The following SPTBN1 variants were observed in gnomAD, a reference collection of about 807,000 sequenced individuals.
SPTBN1 encodes spectrin beta, non-erythrocytic 1, also known as spectrin beta chain, non-erythrocytic 1.
In SPTBN1, 32 loss-of-function variants were observed where a neutral mutation model predicts 266.4. The observed-to-expected ratio is 0.12, with a 90% CI of 0.09 to 0.16. The LOEUF (loss-of-function observed/expected upper bound fraction) is 0.16, where lower values mean the gene tolerates loss of function less well. SPTBN1 is among the 10% of genes least tolerant of loss of function. The pLI, the probability that SPTBN1 is intolerant of heterozygous loss-of-function variation, is 1.00. For synonymous variants in SPTBN1, 1,336 were observed against 1,162.2 expected (o/e 1.15, Z -3.04); for missense variants, 2,296 against 3,067.1 (o/e 0.75, Z 5.94).
intron 3 of SPTBN1, among the ~76,000 whole-genome samples, chr2:54,601,474 C>G (rs1309592814): frequency 2.0e-5 from 3 of 152,170 alleles, no homozygotes; most frequent in Non-Finnish European, 2.9e-5. Flanking sequence ...TGCAGAAGAC[C>G]TCCATGAGAG....
Position 54,668,348 on chromosome 2 carries a change from C to T in SPTBN1, c.6877-3C>T. ...TCTCACCTGTGTCCCTTCCTCTGTC[C>T]AGGAGGAAATGAACACATGGATCCA... is the stretch of plus-strand genomic sequence containing the variant. On this transcript the variant is annotated splice_polypyrimidine_tract_variant and splice_region_variant and intron_variant, in intron 35 of 35. Transcript: ENST00000356805. The T allele has an allele frequency of 6.2e-7, 1 of 1,613,302 alleles. No homozygotes were observed. The highest frequency in any genetic ancestry group is 8.5e-7 in the Non-Finnish European group (1 of 1,179,264).
intron 1 of SPTBN1, among the ~76,000 whole-genome samples, chr2:54,524,506 C>A (rs934902901): frequency 2.0e-5 from 3 of 152,322 alleles, no homozygotes; most frequent in African/African-American, 7.2e-5. Context: ...CCTCTAAGCA[C>A]ATCCACCTCT....
Position 54,609,279 on chromosome 2 carries a change from A to T in SPTBN1, c.301-2882A>T, listed in dbSNP as rs575966089. ...GTTAATTCTTCTGATGTGGTGTCTG[A>T]TAGCTCTTGAATTTCTCCAAGATCC... On this transcript the variant is annotated intron_variant, in intron 3 of 35. Coordinates refer to ENST00000356805, the MANE Select transcript of SPTBN1 (RefSeq NM_003128.3). Among the ~76,000 whole-genome samples, 18 of 152,304 alleles carry T rather than the reference A, an allele frequency of 1.2e-4. No homozygotes were observed. In the South Asian group the frequency reaches 3.7e-3, roughly 32 times the overall value.
rs184562489 is a variant in SPTBN1 at position 54,570,908 on chromosome 2, A to G, written c.149-28184A>G. 5.6e-4 allele frequency among the ~76,000 whole-genome samples: 86 copies of G among 152,240 alleles called. 2 individuals are homozygous for G. The East Asian group carries it at 0.015, about 27-fold the overall frequency. Reference sequence around the variant, plus strand: ...TCCTATAGATTGCTAGCTTGAGTGTATAGTATTTGAGATGTGAATAAAGTC... The same window carrying G: ...TCCTATAGATTGCTAGCTTGAGTGTGTAGTATTTGAGATGTGAATAAAGTC... On this transcript the variant is annotated intron_variant, in intron 2 of 35. Coordinates refer to ENST00000356805, the MANE Select transcript of SPTBN1 (RefSeq NM_003128.3).
intron 2 of SPTBN1, among the ~76,000 whole-genome samples, chr2:54,565,378 A>G (rs779386661): frequency 1.1e-4 from 16 of 152,200 alleles, no homozygotes; most frequent in Non-Finnish European, 1.9e-4. Flanking sequence ...CTACTCAGGA[A>G]TGGACTCTGT....
chr2:54,579,913 G>C (rs887719253), intron 2 of SPTBN1, among the ~76,000 whole-genome samples: 1 of 152,236 alleles, frequency 6.6e-6, no homozygotes, highest in Non-Finnish European at 1.5e-5. Flanking sequence ...CCTCTGTGCT[G>C]AACTTGAATG....
At chr2:54,619,586 T>TC (rs1268811930) in intron 7 of SPTBN1, among the ~76,000 whole-genome samples, 2 of 152,244 alleles carry the variant, frequency 1.3e-5, no homozygotes, top group African/African-American at 4.8e-5. Flanking sequence ...TTATTAGTTG[T>TC]CCAGGGCTCC....
At chr2:54,627,792 C>G (rs534195163) in intron 12 of SPTBN1, among the ~76,000 whole-genome samples, 5 of 150,250 alleles carry the variant, frequency 3.3e-5, no homozygotes, top group East Asian at 2.0e-4. Flanking sequence ...CCCTCCCCCC[C>G]ACCCTGGCCC....
At chr2:54,568,661 GA>G (rs747256862) in intron 2 of SPTBN1, among the ~76,000 whole-genome samples, 4 of 152,110 alleles carry the variant, frequency 2.6e-5, no homozygotes, top group Non-Finnish European at 4.4e-5. Context: ...TGCAGTTCTA[GA>G]AATTTGTGAG....
intron 6 of SPTBN1, 117 bp from the exon 7 acceptor site, chr2:54,617,961 A>G: frequency 1.3e-6 from 1 of 787,734 alleles, no homozygotes. Context: ...AGTATATTTT[A>G]GAGTTTTACT....
chr2:54,634,898 G>T (rs763999261), intron 17 of SPTBN1, among the ~76,000 whole-genome samples: 1 of 152,128 alleles, frequency 6.6e-6, no homozygotes. Flanking sequence ...CTGCCCCAGG[G>T]GATGTGAACA....
At chr2:54,576,500 T>G (rs1674489349) in intron 2 of SPTBN1, among the ~76,000 whole-genome samples, 1 of 152,214 alleles carries the variant, frequency 6.6e-6, no homozygotes, top group African/African-American at 2.4e-5. Context: ...GAAGTAGTAC[T>G]TTCTAGAACT....
chr2:54,615,433 TATTTGGAGC>T (rs1677536586), intron 4 of SPTBN1, among the ~76,000 whole-genome samples: 1 of 152,230 alleles, frequency 6.6e-6, no homozygotes, highest in African/African-American at 2.4e-5. Flanking sequence ...GACAAAAGTG[TATTTGGAGC>T]ATTTGTCTAA....
chr2:54,578,626 TTTG>T (rs1432276383), intron 2 of SPTBN1, among the ~76,000 whole-genome samples: 2 of 152,186 alleles, frequency 1.3e-5, no homozygotes, highest in South Asian at 4.1e-4. Flanking sequence ...CAAACTTGAT[TTTG>T]TTCCCATTCA....
In SPTBN1 at chr2:54,649,880, A is replaced by G. The variant is rs1439587545; in HGVS notation, c.5468A>G (p.Asp1823Gly). ...AAGGAGATCTTTGGGCGTATACAGG[A>G]CAAACACAAGAAACTCCCTGAGGAG... is the stretch of plus-strand genomic sequence containing the variant. ...DAKEIFGRIQ[D>G]KHKKLPEELG... The change falls in exon 26 of 36, where the codon GAC becomes GGC. Residue 1823 changes from aspartate to glycine, a missense_variant. This residue lies in a region of SPTBN1 where 644 missense variants were observed against 745.3 expected (regional missense o/e 0.86). Transcript: ENST00000356805. The surrounding 1 kb of genome is among the most constrained non-coding windows in gnomAD (Gnocchi z 6.7). The G allele has an allele frequency of 1.9e-6, 3 of 1,614,210 alleles. No homozygotes were observed. Among genetic ancestry groups the G allele is most frequent in the Admixed American group, 1.7e-5 (1 of 60,022 alleles).
At chr2:54,635,005 G>A (rs1252454689) in intron 17 of SPTBN1, among the ~76,000 whole-genome samples, 1 of 152,206 alleles carries the variant, frequency 6.6e-6, no homozygotes, top group East Asian at 1.9e-4. Context: ...GCAAGACCCT[G>A]TCTCACACCG....
intron 17 of SPTBN1, among the ~76,000 whole-genome samples, chr2:54,635,843 C>T (rs961130839): frequency 1.3e-5 from 2 of 152,242 alleles, no homozygotes; most frequent in African/African-American, 2.4e-5. Flanking sequence ...AGAAATAGAA[C>T]TGGAATTTGA....
chr2:54,669,202 T>A lies in SPTBN1; in HGVS notation c.*633T>A, dbSNP rs1316546135. ...AAGAATGTCAGTATACAAGAAGGAA[T>A]AGAAAACTGATACTGTTTTAAATAA... On this transcript the variant is annotated 3_prime_UTR_variant, in exon 36 of 36. Coordinates refer to ENST00000356805, the MANE Select transcript of SPTBN1 (RefSeq NM_003128.3). 1 of 151,640 alleles carries A rather than the reference T, an allele frequency of 6.6e-6. No homozygotes were observed. Among genetic ancestry groups the A allele is most frequent in the Non-Finnish European group, 1.5e-5 (1 of 68,020 alleles). 9.4% of individuals were successfully genotyped at this position (151,640 alleles called of 1,614,324 possible).
intron 1 of SPTBN1, among the ~76,000 whole-genome samples, chr2:54,507,198 ACTT>A (rs1245091733): frequency 2.0e-5 from 3 of 151,856 alleles, no homozygotes; most frequent in African/African-American, 7.3e-5. Context: ...GGCTATTTTC[ACTT>A]CTTTTGTGTA....
Sources: gnomAD v4.1 joint callset for allele counts (sites outside exome capture counted in the v4.1 genomes callset) on GRCh38, gnomAD v4.1.1 for gene constraint, gnomAD v4.1.1 regional missense constraint, Gnocchi (gnomAD v3.1) non-coding constraint, MANE v1.5 for transcripts, NCBI Gene and HGNC (gene_info 2026-07-23, HGNC 2026-07-21) for gene names.